Variants in GATAD2A observed in about 807,000 individuals in gnomAD.
GATAD2A encodes the protein GATA zinc finger domain containing 2A.
A neutral mutation model predicts 68.5 loss-of-function variants in GATAD2A; 12 were observed. That is an observed-to-expected ratio of 0.18 (90% CI 0.11 to 0.28). The LOEUF (loss-of-function observed/expected upper bound fraction) is 0.28, where lower values mean the gene tolerates loss of function less well. GATAD2A is among the 10% of genes least tolerant of loss of function. The pLI is 1.00. For synonymous variants in GATAD2A, 410 were observed against 375.3 expected, an observed-to-expected ratio of 1.09 and a Z score of -1.07; for missense variants, 755 against 868.5, an observed-to-expected ratio of 0.87 and a Z score of 1.64.
At position 19,502,349 on chromosome 19, in the gene GATAD2A, C is replaced by T. The variant is rs759389249; in HGVS notation, c.1597C>T (p.Arg533Trp). Residue 533 changes from arginine to tryptophan, a missense_variant, in exon 11 of 12, where the codon CGG becomes TGG. By Grantham distance (101) the Arg-to-Trp change is moderately radical. Transcript: ENST00000683918. The part of the protein sequence containing the change: ...AVLQASSQLS[R>W]GSATTPRGVL... ...ACTGCAGGCCTCCAGCCAGCTGTCC[C>T]GGGGTTCGGCCACGACGCCCCGAGG... The T allele has an allele frequency of 7.4e-6, 12 of 1,611,922 alleles. 1 individual carries two copies. Among genetic ancestry groups the T allele is most frequent in the East Asian group, 2.2e-5 (1 of 44,878 alleles).
chr19:19,420,008 T>TTTTG (rs2052162449), intron 1 of GATAD2A, among the ~76,000 whole-genome samples: 2 of 129,532 alleles, frequency 1.5e-5, no homozygotes, highest in African/African-American at 6.2e-5. Flanking sequence ...ATCTTGACTT[T>TTTTG]TTTTTTTTTT....
intron 1 of GATAD2A, among the ~76,000 whole-genome samples, chr19:19,438,948 A>T (rs979207253): frequency 6.6e-6 from 1 of 152,242 alleles, no homozygotes; most frequent in African/African-American, 2.4e-5. Flanking sequence ...TCTCCACAAA[A>T]TGCAAGTTTC....
intron 2 of GATAD2A, chr19:19,474,226 C>T (rs773780209): frequency 4.3e-6 from 4 of 923,650 alleles, no homozygotes; most frequent in African/African-American, 3.6e-5. Context: ...AGGGTGAGGT[C>T]GACACTGGAA....
chr19:19,405,933 C>T lies in GATAD2A; in HGVS notation c.-93C>T, dbSNP rs2050174060. The T allele has an allele frequency of 1.4e-5, 2 of 147,572 alleles. No individual in the cohort carries two copies. The highest frequency in any genetic ancestry group is 4.9e-5 in the African/African-American group (2 of 40,860). The allele number at this position is 147,572 out of a possible 1,614,324, so 9.1% of individuals were successfully genotyped here. ...GCGCGCGGCCCGGCGTCCCCGGCCC[C>T]TCCGCCGCCCGGCCCCGCGGGCGAC... On this transcript the variant is annotated 5_prime_UTR_variant, in exon 1 of 12. Transcript: ENST00000683918.
At chr19:19,422,143 A>G (rs2052499831) in intron 1 of GATAD2A, among the ~76,000 whole-genome samples, 1 of 152,290 alleles carries the variant, frequency 6.6e-6, no homozygotes, top group Admixed American at 6.5e-5. Context: ...ATTTTTAGGC[A>G]GTGATTCTAG....
chr19:19,475,490 C>CCT (rs1555713836), intron 2 of GATAD2A, among the ~76,000 whole-genome samples: 5 of 151,552 alleles, frequency 3.3e-5, no homozygotes, highest in East Asian at 2.0e-4. Context: ...GAGCCCCCCC[C>CCT]CCTCCACTGC....
At chr19:19,436,282 A>G in intron 1 of GATAD2A, 1 of 874,708 alleles carries the variant, frequency 1.1e-6, no homozygotes, top group Non-Finnish European at 1.7e-6. Flanking sequence ...GGCTTCGGTC[A>G]GCTTCTTGGA....
intron 1 of GATAD2A, among the ~76,000 whole-genome samples, chr19:19,421,963 A>G (rs1048734683): frequency 5.3e-5 from 8 of 152,046 alleles, no homozygotes; most frequent in Non-Finnish European, 8.8e-5. Flanking sequence ...CTGGGATTAC[A>G]GGCTCCCACC....
At chr19:19,464,054 C>T (rs1328586592) in intron 1 of GATAD2A, among the ~76,000 whole-genome samples, 1 of 152,200 alleles carries the variant, frequency 6.6e-6, no homozygotes, top group Non-Finnish European at 1.5e-5. Context: ...TTGTGCTGCC[C>T]CCAGCTTCCA....
At chr19:19,425,780 T>C (rs977587439) in intron 1 of GATAD2A, among the ~76,000 whole-genome samples, 2 of 151,546 alleles carry the variant, frequency 1.3e-5, no homozygotes, top group Non-Finnish European at 1.5e-5. Context: ...AGTGGTTTTC[T>C]TTTTCTTTTC....
chr19:19,505,452 C>A lies in GATAD2A; in HGVS notation c.1883C>A (p.Pro628His), dbSNP rs1448942040. ...LLDMIPPRSI[P>H]QSATWK ...GACATGATCCCACCCCGCTCCATCC[C>A]CCAGTCAGCCACGTGGAAATAGTGC... Residue 628 changes from proline (P) to histidine (H), a missense_variant, in exon 12 of 12, where the codon CCC (proline) becomes CAC (histidine). Coordinates refer to ENST00000683918, the MANE Select transcript of GATAD2A (RefSeq NM_001384528.1). 6.2e-7 allele frequency: 1 copy of A among 1,605,628 alleles called. No homozygotes were observed. Among genetic ancestry groups the A allele is most frequent in the Non-Finnish European group, 8.5e-7 (1 of 1,175,852 alleles).
At chr19:19,494,194 C>T (rs2059991895) in intron 4 of GATAD2A, 100 bp from the exon 5 acceptor site, 2 of 627,654 alleles carry the variant, frequency 3.2e-6, no homozygotes, top group Non-Finnish European at 5.6e-6. Context: ...AGGAGGAAGA[C>T]AGTCAGTCCT....
At chr19:19,465,719 G>A in intron 2 of GATAD2A, 105 bp downstream of exon 2, 1 of 1,354,658 alleles carries the variant, frequency 7.4e-7, no homozygotes, top group Non-Finnish European at 1.0e-6. Flanking sequence ...AGCTTGGCGG[G>A]GTTGTGGAGA....
At chr19:19,467,781 G>T (rs1447491976) in intron 2 of GATAD2A, among the ~76,000 whole-genome samples, 1 of 152,154 alleles carries the variant, frequency 6.6e-6, no homozygotes, top group Non-Finnish European at 1.5e-5. Context: ...CTGGTGAATT[G>T]GAATCATCAA....
chr19:19,505,522 C>T lies in GATAD2A; in HGVS notation c.*48C>T. The stretch of plus-strand genomic sequence containing the variant: ...ACGGGCTCCCTCCTCCCCCACCTGG[C>T]CCCTGGTCTAGAAGGACCCACTGCA... On this transcript the variant is annotated 3_prime_UTR_variant, in exon 12 of 12. Coordinates refer to ENST00000683918, the MANE Select transcript of GATAD2A (RefSeq NM_001384528.1). 6.6e-7 allele frequency: 1 copy of T among 1,522,334 alleles called. No homozygotes were observed. Among genetic ancestry groups the T allele is most frequent in the Middle Eastern group, 1.7e-4 (1 of 5,780 alleles). 94.3% of individuals were successfully genotyped at this position (1,522,334 alleles called of 1,614,324 possible).
intron 7 of GATAD2A, among the ~76,000 whole-genome samples, chr19:19,496,926 A>G (rs2060193553): frequency 6.6e-6 from 1 of 152,198 alleles, no homozygotes; most frequent in African/African-American, 2.4e-5. Context: ...AGACAAGAGC[A>G]AGGCTCTGGG....
At chr19:19,420,880 C>G (rs1335633539) in intron 1 of GATAD2A, among the ~76,000 whole-genome samples, 4 of 152,178 alleles carry the variant, frequency 2.6e-5, no homozygotes, top group Non-Finnish European at 5.9e-5. Context: ...CGTGTTGGCA[C>G]ATTGCCTGGC....
At chr19:19,440,817 T>G (rs2054933867) in intron 1 of GATAD2A, among the ~76,000 whole-genome samples, 1 of 152,272 alleles carries the variant, frequency 6.6e-6, no homozygotes, top group Non-Finnish European at 1.5e-5. Context: ...AACTTATTTC[T>G]GATAACTTTA....
chr19:19,435,805 G>A (rs1272157947), intron 1 of GATAD2A, among the ~76,000 whole-genome samples: 3 of 152,140 alleles, frequency 2.0e-5, no homozygotes, highest in Admixed American at 6.5e-5. Flanking sequence ...AGCCGAGATC[G>A]TGCCACTTCA....
Sources: gnomAD v4.1 joint callset for allele counts (sites outside exome capture counted in the v4.1 genomes callset) on GRCh38, gnomAD v4.1.1 for gene constraint, MANE v1.5 for transcripts, NCBI Gene and HGNC (gene_info 2026-07-23, HGNC 2026-07-21) for gene names.